The following PIWIL4 variants were observed in gnomAD, a reference collection of about 807,000 sequenced individuals.
PIWIL4 encodes the protein piwi like RNA-mediated gene silencing 4, also known as piwi-like protein 4.
PIWIL4 carries 50 observed loss-of-function variants against 100.9 expected under a neutral mutation model. That is an observed-to-expected ratio of 0.50 (90% CI 0.39 to 0.63). PIWIL4 has a LOEUF of 0.63. Ranked by LOEUF, PIWIL4 falls within the 20% of genes least tolerant of loss-of-function variation. The pLI, the probability that PIWIL4 is intolerant of heterozygous loss-of-function variation, is 0.00. For synonymous variants in PIWIL4, 342 were observed against 367.5 expected (o/e 0.93, Z 0.79); for missense variants, 887 against 1,043.3 (o/e 0.85, Z 2.06).
intron 5 of PIWIL4, 148 bp from the exon 6 acceptor site, chr11:94,585,297 A>G (rs918997282): frequency 2.3e-5 from 12 of 529,906 alleles, no homozygotes; most frequent in Non-Finnish European, 4.0e-5. Context: ...TCATATGTAT[A>G]TTTAGTATCT....
At chr11:94,567,642 T>G (rs1483329067) in intron 1 of PIWIL4, 37 bp downstream of exon 1, 1 of 1,544,970 alleles carries the variant, frequency 6.5e-7, no homozygotes, top group South Asian at 1.2e-5. Flanking sequence ...TTTCGTTTTC[T>G]CCTACCTCTG....
At chr11:94,619,091 A>G (rs1948877766) in intron 17 of PIWIL4, among the ~76,000 whole-genome samples, 1 of 152,198 alleles carries the variant, frequency 6.6e-6, no homozygotes, top group Non-Finnish European at 1.5e-5. Context: ...TGATAGTTTC[A>G]ATATTGAAAA....
Position 94,620,861 on chromosome 11 carries a change from C to CT in PIWIL4, c.2443-9dup. The stretch of plus-strand genomic sequence containing the variant: ...GGTAATCTCTTAATTATTATCAATA[C>CT]TTTTTTCTCCTCAGGGCATAGTCAG... On this transcript the variant is annotated splice_polypyrimidine_tract_variant and intron_variant, in intron 19 of 19. Coordinates refer to ENST00000299001, the MANE Select transcript of PIWIL4 (RefSeq NM_152431.3). 6.3e-7 allele frequency: 1 copy of CT among 1,585,564 alleles called. No individual in the cohort carries two copies. The highest frequency in any genetic ancestry group is 1.1e-5 in the South Asian group (1 of 89,798).
chr11:94,601,560 G>A (rs1307623818), intron 11 of PIWIL4, among the ~76,000 whole-genome samples: 2 of 152,220 alleles, frequency 1.3e-5, no homozygotes, highest in Admixed American at 6.5e-5. Flanking sequence ...TGAGGTTAAA[G>A]GGACCTCCAA....
intron 14 of PIWIL4, 25 bp downstream of exon 14, chr11:94,607,664 T>C: frequency 6.3e-7 from 1 of 1,578,646 alleles, no homozygotes; most frequent in Non-Finnish European, 8.6e-7. Flanking sequence ...ACATTTTTTC[T>C]ATTAGTAATT....
rs1458463321 is a variant in PIWIL4, at chr11:94,607,572, T to C, written c.1772T>C (p.Ile591Thr). The C allele has an allele frequency of 6.2e-7, 1 of 1,614,114 alleles. No individual in the cohort carries two copies. The highest frequency in any genetic ancestry group is 1.7e-5 in the Admixed American group (1 of 60,018). The change falls in exon 14 of 20, where the codon ATC becomes ACC. Residue 591 changes from isoleucine (I) to threonine (T), a missense_variant. By Grantham distance (89) the Ile-to-Thr change is moderately conservative. Transcript: ENST00000299001. Reference protein sequence around the residue: ...TLNKQGMMMSIATKIAMQMTC... With the variant: ...TLNKQGMMMSTATKIAMQMTC... ...AATAAACAGGGCATGATGATGAGTA[T>C]CGCCACCAAGATCGCTATGCAGATG... is the stretch of plus-strand genomic sequence containing the variant.
In PIWIL4 at chr11:94,589,156, A is replaced by T; in HGVS notation, c.950A>T (p.Asp317Val). ...AGAACCTACTCCATTGATGACATTGACTGGTCAGTGAAGCCCACACACACC... is the reference window on the plus strand; with the variant it reads ...AGAACCTACTCCATTGATGACATTGTCTGGTCAGTGAAGCCCACACACACC... ...NNRTYSIDDI[D>V]WSVKPTHTFQ... Residue 317 changes from aspartate (D) to valine (V), a missense_variant, in exon 8 of 20, where the codon GAC becomes GTC. By Grantham distance (152) the Asp-to-Val change is radical. Transcript: ENST00000299001. The T allele has an allele frequency of 1.9e-6, 3 of 1,612,678 alleles. No individual in the cohort carries two copies. The highest frequency in any genetic ancestry group is 2.5e-6 in the Non-Finnish European group (3 of 1,178,856).
At position 94,607,590 on chromosome 11, in the gene PIWIL4, T is replaced by G; in HGVS notation, c.1790T>G (p.Met597Arg). The change falls in exon 14 of 20, where the codon ATG (methionine) becomes AGG (arginine). Residue 597 changes from methionine to arginine, a missense_variant. This residue lies in a region of PIWIL4 where 741 missense variants were observed against 930.0 expected (regional missense o/e 0.80). Coordinates refer to ENST00000299001, the MANE Select transcript of PIWIL4 (RefSeq NM_152431.3). ...ATGAGTATCGCCACCAAGATCGCTA[T>G]GCAGATGACTTGCAAGCTCGGAGGC... ...MMMSIATKIAMQMTCKLGGEL... is the reference protein window; with the variant it reads ...MMMSIATKIARQMTCKLGGEL... 6.2e-7 allele frequency: 1 copy of G among 1,614,140 alleles called. No individual in the cohort carries two copies. Among genetic ancestry groups the G allele is most frequent in the Non-Finnish European group, 8.5e-7 (1 of 1,180,024 alleles).
At chr11:94,590,114 G>A (rs989922906) in intron 8 of PIWIL4, among the ~76,000 whole-genome samples, 9 of 152,166 alleles carry the variant, frequency 5.9e-5, no homozygotes, top group African/African-American at 1.7e-4. Flanking sequence ...TACACTTTCA[G>A]GAAAAGCTCT....
At chr11:94,580,180 T>C (rs1220586138) in intron 4 of PIWIL4, among the ~76,000 whole-genome samples, 1 of 152,186 alleles carries the variant, frequency 6.6e-6, no homozygotes, top group Non-Finnish European at 1.5e-5. Flanking sequence ...TTCCCAGATA[T>C]AGGGGATACT....
chr11:94,615,510 GA>G (rs1213247169), intron 15 of PIWIL4, among the ~76,000 whole-genome samples: 7 of 152,164 alleles, frequency 4.6e-5, no homozygotes, highest in Non-Finnish European at 2.9e-5. Flanking sequence ...TTCTGGAAGG[GA>G]AATGATGGTA....
chr11:94,571,202 T>G (rs1372757628), intron 2 of PIWIL4, among the ~76,000 whole-genome samples: 1 of 152,194 alleles, frequency 6.6e-6, no homozygotes, highest in African/African-American at 2.4e-5. Flanking sequence ...TTTCAAACAT[T>G]ATTCTATCCT....
At chr11:94,568,582 C>T in intron 1 of PIWIL4, 148 bp from the exon 2 acceptor site, 1 of 565,952 alleles carries the variant, frequency 1.8e-6, no homozygotes, top group Admixed American at 2.9e-5. Context: ...AATGGGCACT[C>T]TCTTCTCATC....
rs563314407 is a variant in PIWIL4 at position 94,593,043 on chromosome 11, G to A, written c.1027-475G>A. Reference sequence around the variant, plus strand: ...CCGTAACATCCTACTATCCTAGAAGGTAAGGACAGTCATGCTGTTTTGGGA... The same window carrying A: ...CCGTAACATCCTACTATCCTAGAAGATAAGGACAGTCATGCTGTTTTGGGA... On this transcript the variant is annotated intron_variant, in intron 8 of 19. Coordinates refer to ENST00000299001, the MANE Select transcript of PIWIL4 (RefSeq NM_152431.3). Among the ~76,000 whole-genome samples, 8 of 152,280 alleles carry A rather than the reference G, an allele frequency of 5.3e-5. No individual in the cohort carries two copies. The South Asian group carries it at 1.5e-3, about 28-fold the overall frequency.
At chr11:94,609,009 A>G (rs1464721102) in intron 15 of PIWIL4, among the ~76,000 whole-genome samples, 3 of 152,212 alleles carry the variant, frequency 2.0e-5, no homozygotes, top group Admixed American at 6.5e-5. Context: ...GGTACTTTAC[A>G]TATATCATGT....
intron 4 of PIWIL4, among the ~76,000 whole-genome samples, chr11:94,580,225 T>A (rs1181235472): frequency 6.6e-6 from 1 of 152,210 alleles, no homozygotes; most frequent in Non-Finnish European, 1.5e-5. Flanking sequence ...TTATTTCTTA[T>A]AAACATATGA....
chr11:94,582,157 G>A (rs1268094960), intron 4 of PIWIL4, among the ~76,000 whole-genome samples: 1 of 152,082 alleles, frequency 6.6e-6, no homozygotes, highest in Non-Finnish European at 1.5e-5. Flanking sequence ...GGTGGTTGTT[G>A]AAAATGCAGT....
chr11:94,604,263 T>C lies in PIWIL4; in HGVS notation c.1638+207T>C, dbSNP rs143544976. Among the ~76,000 whole-genome samples, 1,197 of 152,330 alleles carry C rather than the reference T, an allele frequency of 7.9e-3. 10 individuals are homozygous for C. The highest frequency in any genetic ancestry group is 0.014 in the Middle Eastern group (4 of 294). On this transcript the variant is annotated intron_variant, in intron 13 of 19. Transcript: ENST00000299001. Reference sequence around the variant, plus strand: ...TATTAATTTTAAAATACAGTACTTCTTGTTACCCCTATAACAGCCATTGGT... The same window carrying C: ...TATTAATTTTAAAATACAGTACTTCCTGTTACCCCTATAACAGCCATTGGT...
At chr11:94,617,863 AAACCC>A in intron 16 of PIWIL4, 86 bp from the exon 17 acceptor site, 4 of 1,410,046 alleles carry the variant, frequency 2.8e-6, no homozygotes, top group Non-Finnish European at 3.0e-6. Flanking sequence ...CTGAAATAGC[AAACCC>A]ATTTAAACAC....
Sources: gnomAD v4.1 joint callset for allele counts (sites outside exome capture counted in the v4.1 genomes callset) on GRCh38, gnomAD v4.1.1 for gene constraint, gnomAD v4.1.1 regional missense constraint, MANE v1.5 for transcripts, NCBI Gene and HGNC (gene_info 2026-07-23, HGNC 2026-07-21) for gene names.